Variants in NUAK2 observed in about 807,000 individuals in gnomAD.
The protein encoded by NUAK2 is NUAK family SNF1-like kinase 2.
A neutral mutation model predicts 29.8 loss-of-function variants in NUAK2; 20 were observed. The observed-to-expected ratio is 0.67, with a 90% CI of 0.47 to 0.98. NUAK2 has a LOEUF of 0.98. NUAK2 is among the 50% of genes least tolerant of loss of function. The pLI, the probability that NUAK2 is intolerant of heterozygous loss-of-function variation, is 0.00. For synonymous variants in NUAK2, 331 were observed against 342.6 expected (o/e 0.97, Z 0.37); for missense variants, 719 against 834.5 (o/e 0.86, Z 1.71).
At chr1:205,306,376 G>T in intron 4 of NUAK2, 69 bp from the exon 5 acceptor site, 2 of 1,543,342 alleles carry the variant, frequency 1.3e-6, no homozygotes, top group Non-Finnish European at 1.7e-6. Context: ...CTCTTGGCCC[G>T]CCCTTCTCCA....
intron 1 of NUAK2, among the ~76,000 whole-genome samples, chr1:205,312,127 G>C (rs12067235): frequency 6.6e-6 from 1 of 152,052 alleles, no homozygotes; most frequent in Admixed American, 6.5e-5. Flanking sequence ...AGGCTGATGC[G>C]TTATGAATTA....
At chr1:205,305,393 G>A in intron 5 of NUAK2, 62 bp from the exon 6 acceptor site, 6 of 1,572,414 alleles carry the variant, frequency 3.8e-6, no homozygotes, top group Non-Finnish European at 4.3e-6. Context: ...GTTACATGCT[G>A]GAGAACTCAG....
At chr1:205,311,937 T>A (rs1026623783) in intron 1 of NUAK2, 112 bp from the exon 2 acceptor site, 5 of 1,338,856 alleles carry the variant, frequency 3.7e-6, no homozygotes. Context: ...AGTACACCCA[T>A]AGAAGCCACT....
At position 205,305,263 on chromosome 1, in the gene NUAK2, A is replaced by T; in HGVS notation, c.759T>A (p.His253Gln). The change falls in exon 6 of 7, where the codon CAT (histidine) becomes CAA (glutamine). Residue 253 changes from histidine (H) to glutamine (Q), a missense_variant. Physicochemically the swap from His to Gln is conservative, Grantham distance 24. This residue lies in a region of NUAK2 where 283 missense variants were observed against 345.6 expected (regional missense o/e 0.82). Coordinates refer to ENST00000367157, the MANE Select transcript of NUAK2 (RefSeq NM_030952.3). ...LVHGTMPFDG[H>Q]DHKILVKQIS... ...TCTGTTTCACTAGGATCTTATGGTCATGCCCATCAAAGGGCATGGTGCCAT... is the reference window on the plus strand; with the variant it reads ...TCTGTTTCACTAGGATCTTATGGTCTTGCCCATCAAAGGGCATGGTGCCAT... The T allele has an allele frequency of 6.2e-7, 1 of 1,614,238 alleles. No homozygotes were observed. The highest frequency in any genetic ancestry group is 8.5e-7 in the Non-Finnish European group (1 of 1,180,028).
intron 1 of NUAK2, among the ~76,000 whole-genome samples, chr1:205,318,342 C>T (rs1662357965): frequency 6.6e-6 from 1 of 152,216 alleles, no homozygotes; most frequent in African/African-American, 2.4e-5. Flanking sequence ...ACAAAGCACA[C>T]TGAGGCAAGC....
chr1:205,303,215 T>C lies in NUAK2; in HGVS notation c.*235A>G, dbSNP rs1050425313. 2.6e-6 allele frequency: 1 copy of C among 389,818 alleles called. No homozygotes were observed. Among genetic ancestry groups the C allele is most frequent in the Non-Finnish European group, 4.6e-6 (1 of 217,882 alleles). 24.1% of individuals were successfully genotyped at this position (389,818 alleles called of 1,614,324 possible). On this transcript the variant is annotated 3_prime_UTR_variant, in exon 7 of 7. Coordinates refer to ENST00000367157, the MANE Select transcript of NUAK2 (RefSeq NM_030952.3). ...TGGACTCTGTCGCGGGCATTCCCGT[T>C]CCCCTCTCTTTAGTATCCTCTTCGT...
chr1:205,306,254 T>C lies in NUAK2; in HGVS notation c.624A>G (p.Thr208=), dbSNP rs1662177953. 6.2e-7 allele frequency: 1 copy of C among 1,613,990 alleles called. No individual in the cohort carries two copies. The highest frequency in any genetic ancestry group is 8.5e-7 in the Non-Finnish European group (1 of 1,179,924). ...NLYHQGKFLQ[T]FCGSPLYASP... ...AGGCATAGAGGGGGCTCCCACAGAATGTCTGCAGGAACTTGCCTTGATGGT... is the reference window on the plus strand; with the variant it reads ...AGGCATAGAGGGGGCTCCCACAGAACGTCTGCAGGAACTTGCCTTGATGGT... The change falls in exon 5 of 7, where the codon ACA becomes ACG. Residue 208 remains threonine (T), a synonymous_variant. Coordinates refer to ENST00000367157, the MANE Select transcript of NUAK2 (RefSeq NM_030952.3).
chr1:205,311,033 C>T (rs886468936), intron 2 of NUAK2, among the ~76,000 whole-genome samples: 2 of 152,188 alleles, frequency 1.3e-5, no homozygotes, highest in African/African-American at 4.8e-5. Flanking sequence ...AAAGTCTCGA[C>T]GCAGACAGGT....
chr1:205,320,702 A>AT lies in NUAK2; in HGVS notation c.231+695dup, dbSNP rs1662401438. ...GAAACAAAGTACAGAGATGAAGGAAATTGCCCAAGGTCACACAGACTGCTA... is the reference window on the plus strand; with the variant it reads ...GAAACAAAGTACAGAGATGAAGGAAATTTGCCCAAGGTCACACAGACTGCTA... On this transcript the variant is annotated intron_variant, in intron 1 of 6. Transcript: ENST00000367157. Among the ~76,000 whole-genome samples the AT allele has an allele frequency of 3.3e-5, 5 of 152,306 alleles. 1 individual carries two copies. The highest frequency in any genetic ancestry group is 3.3e-4 in the Admixed American group (5 of 15,288).
intron 1 of NUAK2, among the ~76,000 whole-genome samples, chr1:205,319,285 G>C (rs941710457): frequency 2.0e-5 from 3 of 152,198 alleles, no homozygotes; most frequent in Admixed American, 6.5e-5. Context: ...TTCCTACATA[G>C]AGCAAGAGGC....
intron 1 of NUAK2, among the ~76,000 whole-genome samples, chr1:205,320,520 TC>T (rs1249797730): frequency 8.5e-5 from 13 of 152,224 alleles, no homozygotes; most frequent in Non-Finnish European, 1.8e-4. Flanking sequence ...CGCCTCGGCC[TC>T]CCACAGTGCT....
At position 205,303,444 on chromosome 1, in the gene NUAK2, C is replaced by G. The variant is rs1374521955; in HGVS notation, c.*6G>C. On this transcript the variant is annotated 3_prime_UTR_variant, in exon 7 of 7. Coordinates refer to ENST00000367157, the MANE Select transcript of NUAK2 (RefSeq NM_030952.3). ...CCTGACCGGGCTGGGGCAATGCCTACTCCACTCAGGTGAGCTTTGAGCAGA... is the reference window on the plus strand; with the variant it reads ...CCTGACCGGGCTGGGGCAATGCCTAGTCCACTCAGGTGAGCTTTGAGCAGA... 2.6e-6 allele frequency: 4 copies of G among 1,553,378 alleles called. No homozygotes were observed. The highest frequency in any genetic ancestry group is 3.9e-5 in the Admixed American group (2 of 51,500).
rs915910375 is a variant in NUAK2, at chr1:205,304,253, C to T, written c.1084G>A (p.Gly362Arg). 2 of 1,614,092 alleles carry T rather than the reference C, an allele frequency of 1.2e-6. No individual in the cohort carries two copies. The highest frequency in any genetic ancestry group is 1.3e-5 in the African/African-American group (1 of 75,050). The change falls in exon 7 of 7, where the codon GGA (glycine) becomes AGA (arginine). Residue 362 changes from glycine (G) to arginine (R), a missense_variant. Physicochemically the swap from Gly to Arg is moderately radical, Grantham distance 125. Around this residue, in one of 3 missense-constraint regions of NUAK2, gnomAD observed 430 missense variants for 465.7 expected, o/e 0.92. Coordinates refer to ENST00000367157, the MANE Select transcript of NUAK2 (RefSeq NM_030952.3). This position sits in a 1 kb window ranked among gnomAD's most constrained non-coding sequence, Gnocchi z 6.5. The stretch of plus-strand genomic sequence containing the variant: ...CGCTCCAGGCCAGGGGTGGTGCTTC[C>T]CCCACCAGGTGCATGCTGCTTGAAG... The part of the protein sequence containing the change: ...SFFKQHAPGG[G>R]STTPGLERQH...
chr1:205,311,608 C>A (rs551203893), intron 2 of NUAK2, 97 bp downstream of exon 2: 58 of 1,501,782 alleles, frequency 3.9e-5, no homozygotes, highest in Non-Finnish European at 1.0e-5. Flanking sequence ...TTTTTTACTT[C>A]TTTATGTTGT....
intron 2 of NUAK2, 71 bp downstream of exon 2, chr1:205,311,634 T>A (rs2102254168): frequency 1.3e-6 from 2 of 1,577,228 alleles, no homozygotes; most frequent in East Asian, 4.5e-5. Context: ...CTGACACATG[T>A]ACATACGCAT....
chr1:205,321,554 T>TTC lies in NUAK2; in HGVS notation c.73_74dup (p.Gly26LysfsTer3), dbSNP rs769893851. On this transcript the variant is annotated frameshift_variant, in exon 1 of 7. Transcript: ENST00000367157. LOFTEE classifies it high-confidence loss of function. ...GGGGCTTGGGCGACTTGATCAGCCC[T>TTC]TCCGCCAGCGGCCGGGCTAGCTCTG... The TTC allele has an allele frequency of 5.0e-6, 8 of 1,613,760 alleles. No homozygotes were observed. The highest frequency in any genetic ancestry group is 5.9e-6 in the Non-Finnish European group (7 of 1,179,894).
At chr1:205,314,831 T>G (rs1416281498) in intron 1 of NUAK2, among the ~76,000 whole-genome samples, 1 of 151,932 alleles carries the variant, frequency 6.6e-6, no homozygotes, top group Non-Finnish European at 1.5e-5. Context: ...GATACAATAG[T>G]GAAATAAATC....
chr1:205,304,304 C>T lies in NUAK2; in HGVS notation c.1033G>A (p.Glu345Lys), dbSNP rs200604571. ...WLRRSSRPLL[E>K]NGAKVCSFFK... ...AAGCTGCACACCTTGGCCCCATTCT[C>T]CAGGAGGGGGCGGGAGGAACGCCGG... Residue 345 changes from glutamate to lysine, a missense_variant, in exon 7 of 7, where the codon GAG becomes AAG. Glu to Lys is a moderately conservative substitution (Grantham distance 56). This residue lies in a region of NUAK2 where 430 missense variants were observed against 465.7 expected (regional missense o/e 0.92). Transcript: ENST00000367157. This position sits in a 1 kb window ranked among gnomAD's most constrained non-coding sequence, Gnocchi z 6.5. 6 of 1,611,788 alleles carry T rather than the reference C, an allele frequency of 3.7e-6. No individual in the cohort carries two copies. Among genetic ancestry groups the T allele is most frequent in the African/African-American group, 2.7e-5 (2 of 75,010 alleles).
At chr1:205,320,611 C>T (rs539939082) in intron 1 of NUAK2, among the ~76,000 whole-genome samples, 1 of 152,268 alleles carries the variant, frequency 6.6e-6, no homozygotes, top group South Asian at 2.1e-4. Flanking sequence ...GTTCATATTT[C>T]GATCTTATTC....
Sources: gnomAD v4.1 joint callset for allele counts (sites outside exome capture counted in the v4.1 genomes callset) on GRCh38, gnomAD v4.1.1 for gene constraint, gnomAD v4.1.1 regional missense constraint, Gnocchi (gnomAD v3.1) non-coding constraint, MANE v1.5 for transcripts, NCBI Gene and HGNC (gene_info 2026-07-23, HGNC 2026-07-21) for gene names.